The following CENPK variants were observed in gnomAD, a reference collection of about 807,000 sequenced individuals.
CENPK encodes centromere protein K.
CENPK carries 46 observed loss-of-function variants against 40.9 expected under a neutral mutation model. That is an observed-to-expected ratio of 1.13 (90% CI 0.89 to 1.44). The LOEUF is 1.44. Ranked by LOEUF, CENPK falls within the 40% of genes most tolerant of loss-of-function variation. CENPK has a pLI of 0.00. For missense variants in CENPK, 288 were observed against 303.5 expected (o/e 0.95, Z 0.38); for synonymous variants, 107 against 104.4 (o/e 1.02, Z -0.15).
the CENPK span, among the ~76,000 whole-genome samples, chr5:65,508,914 C>T: frequency 1.3e-5 from 2 of 150,950 alleles, no homozygotes; most frequent in African/African-American, 2.4e-5. Context: ...TTAATAAATA[C>T]AATGCCATTA....
chr5:65,498,428 T>A, the CENPK span, among the ~76,000 whole-genome samples: 1 of 151,986 alleles, frequency 6.6e-6, no homozygotes, highest in Non-Finnish European at 1.5e-5. Context: ...AGTAAAATCC[T>A]ACCTTCCTTT....
At chr5:65,523,546 A>G (rs377182308) in intron 9 of CENPK, among the ~76,000 whole-genome samples, 72 of 152,334 alleles carry the variant, frequency 4.7e-4, no homozygotes, top group African/African-American at 1.7e-3. Context: ...CTAATACCTT[A>G]GTAAAGGAAA....
intron 2 of CENPK, among the ~76,000 whole-genome samples, chr5:65,557,605 CATACACACG>C (rs976662223): frequency 6.6e-6 from 1 of 152,240 alleles, no homozygotes; most frequent in Admixed American, 6.5e-5. Context: ...AACTCCCAGA[CATACACACG>C]ATCATTTCTG....
At chr5:65,553,408 G>A (rs978918566) in intron 3 of CENPK, among the ~76,000 whole-genome samples, 4 of 151,422 alleles carry the variant, frequency 2.6e-5, no homozygotes, top group Admixed American at 6.6e-5. Flanking sequence ...AGTTTGTGTC[G>A]TGCTGCATTC....
At chr5:65,508,658 T>C in the CENPK span, among the ~76,000 whole-genome samples, 103,561 of 151,544 alleles carry the variant, frequency 0.68, 35,908 homozygotes, top group East Asian at 0.89. Flanking sequence ...TGGTGGCAGA[T>C]GCCTGTAATC....
the CENPK span, among the ~76,000 whole-genome samples, chr5:65,506,892 T>G: frequency 6.6e-6 from 1 of 152,218 alleles, no homozygotes; most frequent in Non-Finnish European, 1.5e-5. Context: ...TTATCAAGAC[T>G]AAATAAATGT....
rs148806044 is a variant in CENPK at position 65,536,100 on chromosome 5, C to T, written c.288+6702G>A. On this transcript the variant is annotated intron_variant, in intron 6 of 10. Coordinates refer to ENST00000396679, the MANE Select transcript of CENPK (RefSeq NM_022145.5). Reference sequence around the variant, plus strand: ...AGAAACAAGCTAAATATACAATCCCCTTCTTATTTTTAACTGTAATGAAAA... The same window carrying T: ...AGAAACAAGCTAAATATACAATCCCTTTCTTATTTTTAACTGTAATGAAAA... Among the ~76,000 whole-genome samples the T allele has an allele frequency of 8.0e-3, 1,224 of 152,284 alleles. 7 individuals are homozygous for T. The highest frequency in any genetic ancestry group is 0.024 in the Middle Eastern group (7 of 294).
chr5:65,545,684 T>G (rs745610932), intron 5 of CENPK, among the ~76,000 whole-genome samples: 20 of 152,120 alleles, frequency 1.3e-4, no homozygotes, highest in Non-Finnish European at 1.3e-4. Context: ...AACAAAAACA[T>G]GGACTAAAGC....
the CENPK span, among the ~76,000 whole-genome samples, chr5:65,511,417 G>A: frequency 6.6e-6 from 1 of 152,228 alleles, no homozygotes; most frequent in Non-Finnish European, 1.5e-5. Flanking sequence ...CATAGCTAGA[G>A]AAGTCAATGC....
intron 2 of CENPK, among the ~76,000 whole-genome samples, chr5:65,559,547 T>A (rs1235286296): frequency 2.0e-5 from 3 of 146,478 alleles, no homozygotes; most frequent in African/African-American, 7.6e-5. Flanking sequence ...GAGAATGGCG[T>A]GAACCCGGGA....
downstream of CENPK, among the ~76,000 whole-genome samples, chr5:65,517,440 A>C (rs761579370): frequency 1.1e-4 from 16 of 152,106 alleles, no homozygotes; most frequent in Non-Finnish European, 2.4e-4. Context: ...GGTACTTTAT[A>C]TATTATCCTC....
At chr5:65,538,393 T>A (rs182017092) in intron 6 of CENPK, among the ~76,000 whole-genome samples, 45 of 152,330 alleles carry the variant, frequency 3.0e-4, no homozygotes, top group Non-Finnish European at 5.3e-4. Context: ...GCCACCCTAC[T>A]TTTTCACTGG....
chr5:65,527,116 A>T (rs1744846012), intron 9 of CENPK, among the ~76,000 whole-genome samples: 1 of 152,040 alleles, frequency 6.6e-6, no homozygotes, highest in Non-Finnish European at 1.5e-5. Context: ...AAATAAATAA[A>T]AAATAAAAAT....
At chr5:65,496,828 T>C in the CENPK span, among the ~76,000 whole-genome samples, 1 of 151,832 alleles carries the variant, frequency 6.6e-6, no homozygotes, top group Non-Finnish European at 1.5e-5. Context: ...CCGAGGTAGG[T>C]AGATCACAAG....
the CENPK span, among the ~76,000 whole-genome samples, chr5:65,502,010 G>C: frequency 6.6e-6 from 1 of 152,136 alleles, no homozygotes. Flanking sequence ...TGGCAGGGAG[G>C]AAAGTCCTGA....
intron 6 of CENPK, among the ~76,000 whole-genome samples, chr5:65,530,932 A>G (rs1051851990): frequency 6.6e-6 from 1 of 152,142 alleles, no homozygotes; most frequent in Admixed American, 6.5e-5. Context: ...GACAACAACA[A>G]CAACACACAC....
Position 65,518,549 on chromosome 5 carries a change from G to A in CENPK, c.736C>T (p.Leu246=), listed in dbSNP as rs1016654387. Residue 246 remains leucine, a synonymous_variant, in exon 11 of 11, where the codon CTG becomes TTG. Coordinates refer to ENST00000396679, the MANE Select transcript of CENPK (RefSeq NM_022145.5). ...DSFWPPYVEL[L]LRNGIALRHP... ...CTCAAGGCAATTCCATTACGCAGCA[G>A]CAGCTCAACATAAGGTGGCCAAAAG... is the stretch of plus-strand genomic sequence containing the variant. The A allele has an allele frequency of 1.2e-6, 2 of 1,613,360 alleles. No homozygotes were observed. The highest frequency in any genetic ancestry group is 1.7e-6 in the Non-Finnish European group (2 of 1,179,590).
chr5:65,503,110 A>T, the CENPK span, among the ~76,000 whole-genome samples: 117 of 126,846 alleles, frequency 9.2e-4, no homozygotes, highest in East Asian at 0.014. Flanking sequence ...CCAATGTAAT[A>T]TTTTTTTTTT....
At chr5:65,511,112 C>G in the CENPK span, among the ~76,000 whole-genome samples, 74 of 152,152 alleles carry the variant, frequency 4.9e-4, 4 homozygotes. Context: ...TCCTCTAAGC[C>G]AAAGCCTAAT....
Sources: gnomAD v4.1 joint callset for allele counts (sites outside exome capture counted in the v4.1 genomes callset) on GRCh38, gnomAD v4.1.1 for gene constraint, MANE v1.5 for transcripts, NCBI Gene and HGNC (gene_info 2026-07-23, HGNC 2026-07-21) for gene names.